NEDD4L: variants seen among roughly 807,000 people sequenced by gnomAD.
The protein encoded by NEDD4L is E3 ubiquitin-protein ligase NEDD4-like.
Under a neutral mutation model 148.9 loss-of-function variants are expected in NEDD4L, and 54 were observed. The observed-to-expected ratio is 0.36, with a 90% confidence interval of 0.29 to 0.45. The LOEUF (loss-of-function observed/expected upper bound fraction) is 0.45. Among genes scored for constraint, NEDD4L ranks in the 20% least tolerant of loss-of-function variants. The pLI is 1.00. For missense variants in NEDD4L, 856 were observed against 1,233.8 expected, an observed-to-expected ratio of 0.69 and a Z score of 4.59; for synonymous variants, 433 against 440.7, an observed-to-expected ratio of 0.98 and a Z score of 0.22.
chr18:58,185,249 C>G (rs1294884706), intron 2 of NEDD4L, among the ~76,000 whole-genome samples: 1 of 152,136 alleles, frequency 6.6e-6, no homozygotes, highest in African/African-American at 2.4e-5. Context: ...TCCCTGTAAG[C>G]TTTTGGTAGG....
chr18:58,382,990 T>C (rs1393972701), intron 24 of NEDD4L, among the ~76,000 whole-genome samples: 1 of 152,242 alleles, frequency 6.6e-6, no homozygotes, highest in Non-Finnish European at 1.5e-5. Context: ...TTGCTCTTCA[T>C]TATTGCTAAT....
intron 19 of NEDD4L, among the ~76,000 whole-genome samples, chr18:58,362,796 T>C (rs2045647077): frequency 6.6e-6 from 1 of 152,234 alleles, no homozygotes; most frequent in South Asian, 2.1e-4. Flanking sequence ...GAGGAAATCT[T>C]AGTTTGTGAC....
chr18:58,361,258 A>C (rs2045432802), intron 19 of NEDD4L, among the ~76,000 whole-genome samples: 1 of 152,206 alleles, frequency 6.6e-6, no homozygotes, highest in African/African-American at 2.4e-5. Flanking sequence ...AGTTCTAAGT[A>C]GGCCTAGCGT....
At chr18:58,289,083 A>G (rs623070) in intron 5 of NEDD4L, among the ~76,000 whole-genome samples, 1 of 152,252 alleles carries the variant, frequency 6.6e-6, no homozygotes, top group African/African-American at 2.4e-5. Context: ...GATCACTTGT[A>G]AAAATAAATG....
intron 2 of NEDD4L, among the ~76,000 whole-genome samples, chr18:58,203,706 T>G (rs976022663): frequency 2.6e-5 from 4 of 152,106 alleles, no homozygotes; most frequent in Admixed American, 2.0e-4. Context: ...AATTTTTTTT[T>G]TTTTTACTTT....
At chr18:58,072,916 CTAA>C (rs1568176027) in intron 1 of NEDD4L, among the ~76,000 whole-genome samples, 1 of 148,384 alleles carries the variant, frequency 6.7e-6, no homozygotes, top group African/African-American at 2.5e-5. Flanking sequence ...AAATCTTGAA[CTAA>C]TAATTGAGTT....
intron 1 of NEDD4L, among the ~76,000 whole-genome samples, chr18:58,065,390 A>C (rs892483559): frequency 6.6e-6 from 1 of 152,214 alleles, no homozygotes; most frequent in South Asian, 2.1e-4. Flanking sequence ...TTCTTTGTGC[A>C]TTGCGCACTA....
chr18:58,260,543 A>G (rs1451659508), intron 5 of NEDD4L, among the ~76,000 whole-genome samples: 1 of 152,190 alleles, frequency 6.6e-6, no homozygotes, highest in Non-Finnish European at 1.5e-5. Flanking sequence ...TGACCCTCCC[A>G]TGTGAAATGG....
At chr18:58,147,479 C>CT (rs1177856460) in intron 1 of NEDD4L, among the ~76,000 whole-genome samples, 1 of 152,224 alleles carries the variant, frequency 6.6e-6, no homozygotes, top group Non-Finnish European at 1.5e-5. Flanking sequence ...CTAGCCTCTG[C>CT]TGCTTAGAGC....
intron 2 of NEDD4L, among the ~76,000 whole-genome samples, chr18:58,205,322 C>T (rs2041873945): frequency 1.0e-5 from 1 of 98,936 alleles, no homozygotes; most frequent in Non-Finnish European, 2.6e-5. Flanking sequence ...TCACAAATGT[C>T]CAAGAGAATA....
intron 5 of NEDD4L, among the ~76,000 whole-genome samples, chr18:58,285,313 T>A (rs7236193): frequency 0.2 from 30,322 of 151,780 alleles, 3,147 homozygotes; most frequent in East Asian, 0.29. Flanking sequence ...CACAATGAGA[T>A]GATGTGTGTG....
At chr18:58,347,205 G>GC (rs138430099) in intron 16 of NEDD4L, among the ~76,000 whole-genome samples, 22,119 of 39,584 alleles carry the variant, frequency 0.56, 6,348 homozygotes, top group East Asian at 0.7. Context: ...TCACGCTACG[G>GC]CCCCCCCCGC....
At chr18:58,294,612 T>G (rs1391370739) in intron 5 of NEDD4L, among the ~76,000 whole-genome samples, 1 of 151,886 alleles carries the variant, frequency 6.6e-6, no homozygotes, top group Non-Finnish European at 1.5e-5. Context: ...CATGTTGATT[T>G]TTTTTTGCCT....
intron 15 of NEDD4L, 111 bp downstream of exon 15, chr18:58,341,908 C>T (rs527944241): frequency 1.6e-5 from 21 of 1,274,342 alleles, no homozygotes; most frequent in East Asian, 1.3e-4. Context: ...TCTGATCAGT[C>T]GTTGTGTTGG....
intron 2 of NEDD4L, among the ~76,000 whole-genome samples, chr18:58,243,539 A>G (rs1418202261): frequency 6.6e-6 from 1 of 152,112 alleles, no homozygotes; most frequent in Non-Finnish European, 1.5e-5. Context: ...GGGCCCAGTT[A>G]TCTGTGTTTT....
At chr18:58,327,593 T>A (rs966799198) in intron 9 of NEDD4L, among the ~76,000 whole-genome samples, 50 of 152,302 alleles carry the variant, frequency 3.3e-4, no homozygotes, top group African/African-American at 1.2e-3. Flanking sequence ...GAAAGTTAGT[T>A]AAGGAAAAAG....
At chr18:58,219,125 A>C (rs2043462886) in intron 2 of NEDD4L, among the ~76,000 whole-genome samples, 1 of 152,212 alleles carries the variant, frequency 6.6e-6, no homozygotes, top group African/African-American at 2.4e-5. Flanking sequence ...TTTTAATGCA[A>C]GTTTGGCAGA....
At position 58,335,519 on chromosome 18, in the gene NEDD4L, G is replaced by T. The variant is rs760233002; in HGVS notation, c.1107G>T (p.Thr369=). The change falls in exon 13 of 31, where the codon ACG becomes ACT. Residue 369 remains threonine (T), a synonymous_variant. Coordinates refer to ENST00000400345, the MANE Select transcript of NEDD4L (RefSeq NM_001144967.3). ...PAGRARSSTV[T]GGEEPTPSVA... ...GGAGAGCGCGTTCATCAACTGTCAC[G>T]GGTGGTGAGGAACCAACGGTAATGA... 1.9e-6 allele frequency: 3 copies of T among 1,613,252 alleles called. No individual in the cohort carries two copies. The African/African-American group carries it at 4.0e-5, about 22-fold the overall frequency.
intron 5 of NEDD4L, among the ~76,000 whole-genome samples, chr18:58,298,553 G>C (rs1365084741): frequency 6.6e-6 from 1 of 152,194 alleles, no homozygotes; most frequent in African/African-American, 2.4e-5. Context: ...ATGAAATAAT[G>C]CATGTGCAAC....
Sources: gnomAD v4.1 joint callset for allele counts (sites outside exome capture counted in the v4.1 genomes callset) on GRCh38, gnomAD v4.1.1 for gene constraint, MANE v1.5 for transcripts, NCBI Gene and HGNC (gene_info 2026-07-23, HGNC 2026-07-21) for gene names.